The following PCDHGB6 variants were observed in gnomAD, a reference collection of about 807,000 sequenced individuals.
The protein encoded by PCDHGB6 is protocadherin gamma subfamily B, 6.
Under a neutral mutation model 59.1 loss-of-function variants are expected in PCDHGB6, and 51 were observed. The ratio of observed to expected loss-of-function variants is 0.86; its 90% CI spans 0.69 to 1.09. The LOEUF is 1.09. PCDHGB6 is among the 50% of genes least tolerant of loss of function. The pLI is 0.00. For missense variants in PCDHGB6, 1,148 were observed against 1,205.1 expected (o/e 0.95, Z 0.70); for synonymous variants, 466 against 495.1 (o/e 0.94, Z 0.78).
intron 1 of PCDHGB6, among the ~76,000 whole-genome samples, chr5:141,426,098 A>T (rs144349682): frequency 6.6e-6 from 1 of 152,356 alleles, no homozygotes; most frequent in Non-Finnish European, 1.5e-5. Flanking sequence ...TATTCTGTTC[A>T]GTCACAGAAG....
chr5:141,427,287 A>G (rs1030754713), intron 1 of PCDHGB6: 2 of 456,716 alleles, frequency 4.4e-6, no homozygotes, highest in African/African-American at 4.0e-5. Flanking sequence ...TATACTAGAA[A>G]TCCTAGATGA....
intron 1 of PCDHGB6, among the ~76,000 whole-genome samples, chr5:141,443,829 A>G (rs1387307023): frequency 6.6e-6 from 1 of 152,228 alleles, no homozygotes; most frequent in Non-Finnish European, 1.5e-5. Flanking sequence ...ATAATTAGGT[A>G]AAATGGGTAA....
chr5:141,485,060 G>C lies in PCDHGB6; in HGVS notation c.2419-9747G>C. ...ACCCTTGCGGCGCCGGCCGAACCGCGCCAGAGCTGGCGCGGGGAAAGGGAG... is the reference window on the plus strand; with the variant it reads ...ACCCTTGCGGCGCCGGCCGAACCGCCCCAGAGCTGGCGCGGGGAAAGGGAG... On this transcript the variant is annotated intron_variant, in intron 1 of 3. Transcript: ENST00000520790. This position sits in a 1 kb window ranked among gnomAD's most constrained non-coding sequence, Gnocchi z 5.7. 1 of 862,304 alleles carries C rather than the reference G, an allele frequency of 1.2e-6. No individual in the cohort carries two copies. The highest frequency in any genetic ancestry group is 1.9e-6 in the Non-Finnish European group (1 of 540,422). 53.4% of individuals were successfully genotyped at this position (862,304 alleles called of 1,614,324 possible).
chr5:141,413,461 C>T, intron 1 of PCDHGB6: 2 of 1,614,082 alleles, frequency 1.2e-6, no homozygotes, highest in Non-Finnish European at 1.7e-6. Context: ...CAGGATAGAC[C>T]GGGAGGAGCT....
At position 141,511,855 on chromosome 5, in the gene PCDHGB6, ATTGT is replaced by A. The variant is rs2099883980; in HGVS notation, c.*686_*689del. ...GGACCAGTCTTCTGTTTTGTTTTTCATTGTTTGACGTTTCCACTGCATGCCTTGA... is the reference window on the plus strand; with the variant it reads ...GGACCAGTCTTCTGTTTTGTTTTTCATTGACGTTTCCACTGCATGCCTTGA... On this transcript the variant is annotated 3_prime_UTR_variant, in exon 4 of 4. Coordinates refer to ENST00000520790, the MANE Select transcript of PCDHGB6 (RefSeq NM_018926.3). 1 of 156,316 alleles carries A rather than the reference ATTGT, an allele frequency of 6.4e-6. No individual in the cohort carries two copies. Among genetic ancestry groups the A allele is most frequent in the South Asian group, 2.0e-4 (1 of 5,082 alleles). The allele number at this position is 156,316 out of a possible 1,614,324, so 9.7% of individuals were successfully genotyped here.
intron 1 of PCDHGB6, chr5:141,422,092 G>C: frequency 6.2e-7 from 1 of 1,611,520 alleles, no homozygotes; most frequent in Non-Finnish European, 8.5e-7. Flanking sequence ...GGAAAGCAAG[G>C]CTTCTGAAAT....
rs200931939 is a variant in PCDHGB6, at chr5:141,423,096, C to T, written c.2418+12476C>T. On this transcript the variant is annotated intron_variant, in intron 1 of 3. Transcript: ENST00000520790. Reference sequence around the variant, plus strand: ...CGGGACTCTTCGCGGTGGGGGAGCACACGGGCGAGGTGCGTACAGCGCGGG... The same window carrying T: ...CGGGACTCTTCGCGGTGGGGGAGCATACGGGCGAGGTGCGTACAGCGCGGG... The T allele has an allele frequency of 3.8e-5, 61 of 1,613,974 alleles. No individual in the cohort carries two copies. In the East Asian group the frequency reaches 1.3e-3, roughly 35 times the overall value.
At position 141,508,670 on chromosome 5, in the gene PCDHGB6, C is replaced by A. The variant is rs184838473; in HGVS notation, c.2567-2277C>A. The stretch of plus-strand genomic sequence containing the variant: ...GGCCCTTCCTGTCATTCTGTCTCTG[C>A]CTCCCTTCTCCCTGCTTCTCCGTGT... On this transcript the variant is annotated intron_variant, in intron 3 of 3. Coordinates refer to ENST00000520790, the MANE Select transcript of PCDHGB6 (RefSeq NM_018926.3). Among the ~76,000 whole-genome samples the A allele has an allele frequency of 3.7e-3, 564 of 152,202 alleles. 5 individuals are homozygous for A. The highest frequency in any genetic ancestry group is 0.011 in the Admixed American group (164 of 15,294).
Position 141,489,471 on chromosome 5 carries a change from G to A in PCDHGB6, c.2419-5336G>A. ...AGGAGAATGGGCGCTATTTTTCCCT[G>A]AGCTTGATGAGTGGTGCCCTGGCAG... On this transcript the variant is annotated intron_variant, in intron 1 of 3. Transcript: ENST00000520790. This position sits in a 1 kb window ranked among gnomAD's most constrained non-coding sequence, Gnocchi z 4.5. 1 of 1,614,074 alleles carries A rather than the reference G, an allele frequency of 6.2e-7. No homozygotes were observed. The highest frequency in any genetic ancestry group is 8.5e-7 in the Non-Finnish European group (1 of 1,180,026).
In PCDHGB6 at chr5:141,438,591, C is replaced by T. The variant is rs12717894; in HGVS notation, c.2418+27971C>T. 3.5e-3 allele frequency among the ~76,000 whole-genome samples: 262 copies of T among 75,376 alleles called. 1 individual carries two copies. The highest frequency in any genetic ancestry group is 4.5e-3 in the Non-Finnish European group (168 of 37,204). 49.4% of individuals were successfully genotyped at this position (75,376 alleles called of 152,430 possible). ...TCTGATATACATACATACATACATA[C>T]ATATATATATATATATATATATATA... On this transcript the variant is annotated intron_variant, in intron 1 of 3. Transcript: ENST00000520790.
At chr5:141,451,302 G>A (rs1445994098) in intron 1 of PCDHGB6, among the ~76,000 whole-genome samples, 1 of 152,208 alleles carries the variant, frequency 6.6e-6, no homozygotes, top group Non-Finnish European at 1.5e-5. Context: ...GTCTTACAAG[G>A]CAGCAATTAA....
rs151239937 is a variant in PCDHGB6, at chr5:141,485,980, G to A, written c.2419-8827G>A. 1.9e-6 allele frequency: 3 copies of A among 1,614,020 alleles called. No homozygotes were observed. The highest frequency in any genetic ancestry group is 2.5e-6 in the Non-Finnish European group (3 of 1,180,004). Reference sequence around the variant, plus strand: ...TCATCCAGCTCAATGCCTCAGACCCGGACCTGGGTCCCAGTGGTAACGTCA... The same window carrying A: ...TCATCCAGCTCAATGCCTCAGACCCAGACCTGGGTCCCAGTGGTAACGTCA... On this transcript the variant is annotated intron_variant, in intron 1 of 3. Coordinates refer to ENST00000520790, the MANE Select transcript of PCDHGB6 (RefSeq NM_018926.3). The surrounding 1 kb of genome is among the most constrained non-coding windows in gnomAD (Gnocchi z 5.7).
At chr5:141,414,703 T>C in intron 1 of PCDHGB6, 1 of 1,613,994 alleles carries the variant, frequency 6.2e-7, no homozygotes. Flanking sequence ...CTCATACATA[T>C]CCATCAACTC....
Position 141,409,933 on chromosome 5 carries a change from GGT to G in PCDHGB6, c.1732_1733del (p.Val578ThrfsTer12). ...CTGACGGCTCCGCGTTCTTCGATAT[GGT>G]ACCTCGCTCTGCAGAGCCCGGCTAC... is the stretch of plus-strand genomic sequence containing the variant. The part of the protein sequence containing the change: ...GPDGSAFFDM[V>X]PRSAEPGYLV... On this transcript the variant is annotated frameshift_variant, in exon 1 of 4. Transcript: ENST00000520790. LOFTEE classifies it high-confidence loss of function. 1 of 1,613,354 alleles carries G rather than the reference GGT, an allele frequency of 6.2e-7. No homozygotes were observed. The highest frequency in any genetic ancestry group is 2.2e-5 in the East Asian group (1 of 44,868).
chr5:141,510,905 C>T lies in PCDHGB6; in HGVS notation c.2567-42C>T. 4 of 1,613,538 alleles carry T rather than the reference C, an allele frequency of 2.5e-6. No homozygotes were observed. In the South Asian group the frequency reaches 4.4e-5, roughly 18 times the overall value. ...GATATAAGACAGTGACTGTTGAGGA[C>T]CCTAAGTTTAGCTCCCACCTGATCT... On this transcript the variant is annotated intron_variant, in intron 3 of 3. Coordinates refer to ENST00000520790, the MANE Select transcript of PCDHGB6 (RefSeq NM_018926.3).
intron 1 of PCDHGB6, chr5:141,440,995 C>G (rs1425894086): frequency 6.6e-6 from 1 of 152,154 alleles, no homozygotes; most frequent in Non-Finnish European, 1.5e-5. Context: ...GTACCCATAT[C>G]TAGTTTGGCC....
intron 1 of PCDHGB6, chr5:141,415,452 C>G (rs2095870569): frequency 1.9e-6 from 3 of 1,614,122 alleles, no homozygotes; most frequent in Admixed American, 1.7e-5. Context: ...CCTATTCCCA[C>G]GAGGTCTCTC....
chr5:141,464,048 T>C (rs377735829), intron 1 of PCDHGB6, among the ~76,000 whole-genome samples: 1 of 152,260 alleles, frequency 6.6e-6, no homozygotes, highest in South Asian at 2.1e-4. Context: ...GTGGATCACC[T>C]GAGGTCAGGA....
chr5:141,467,908 C>G (rs2099154038), intron 1 of PCDHGB6, among the ~76,000 whole-genome samples: 1 of 152,172 alleles, frequency 6.6e-6, no homozygotes, highest in Non-Finnish European at 1.5e-5. Flanking sequence ...ATCCGCCCAC[C>G]TCAGCCTCCC....
Sources: gnomAD v4.1 joint callset for allele counts (sites outside exome capture counted in the v4.1 genomes callset) on GRCh38, gnomAD v4.1.1 for gene constraint, Gnocchi (gnomAD v3.1) non-coding constraint, MANE v1.5 for transcripts, NCBI Gene and HGNC (gene_info 2026-07-23, HGNC 2026-07-21) for gene names.